RBM24: variants seen among roughly 807,000 people sequenced by gnomAD.
The protein encoded by RBM24 is RNA binding motif protein 24.
A neutral mutation model predicts 23.6 loss-of-function variants in RBM24; 5 were observed. That is an observed-to-expected ratio of 0.21 (90% CI 0.11 to 0.45). RBM24 has a LOEUF of 0.45. Among genes scored for constraint, RBM24 ranks in the 20% least tolerant of loss-of-function variants. RBM24 has a pLI of 0.99. For missense variants in RBM24, 252 were observed against 314.6 expected, an observed-to-expected ratio of 0.80 and a Z score of 1.51; for synonymous variants, 151 against 129.5, an observed-to-expected ratio of 1.17 and a Z score of -1.13.
chr6:17,284,597 G>A, intron 2 of RBM24, 60 bp from the exon 3 acceptor site: 1 of 1,279,978 alleles, frequency 7.8e-7, no homozygotes, highest in South Asian at 1.4e-5. Context: ...CATTTTACAT[G>A]TAGGAATAAT....
At chr6:17,288,294 A>G in intron 3 of RBM24, 8 of 985,426 alleles carry the variant, frequency 8.1e-6, no homozygotes, top group East Asian at 1.1e-4. Context: ...AGGGCTGTCC[A>G]TGTGGCTTCA....
intron 1 of RBM24, chr6:17,282,335 C>T (rs1018519240): frequency 1.9e-5 from 19 of 1,004,032 alleles, no homozygotes; most frequent in Non-Finnish European, 2.1e-5. Flanking sequence ...GCAGGGAGCC[C>T]CAGAGTAGGA....
intron 3 of RBM24, among the ~76,000 whole-genome samples, chr6:17,285,649 T>G (rs75938179): frequency 0.011 from 1,636 of 152,336 alleles, 13 homozygotes; most frequent in Middle Eastern, 0.092. Context: ...TCATCAGATT[T>G]TATTAACACA....
rs1009394704 is a variant in RBM24, at chr6:17,293,209, G to A, written c.*1090G>A. 5 of 152,586 alleles carry A rather than the reference G, an allele frequency of 3.3e-5. No individual in the cohort carries two copies. Among genetic ancestry groups the A allele is most frequent in the African/African-American group, 9.7e-5 (4 of 41,436 alleles). 9.5% of individuals were successfully genotyped at this position (152,586 alleles called of 1,614,324 possible). ...ATGTGGTTTATACTGTGCCTTAATA[G>A]TAATGCTATTTAAGATATTTATTTT... On this transcript the variant is annotated 3_prime_UTR_variant, in exon 4 of 4. Transcript: ENST00000379052.
chr6:17,291,988 G>A lies in RBM24; in HGVS notation c.580G>A (p.Gly194Ser), dbSNP rs750164964. The change falls in exon 4 of 4, where the codon GGC (glycine) becomes AGC (serine). Residue 194 changes from glycine (G) to serine (S), a missense_variant. Coordinates refer to ENST00000379052, the MANE Select transcript of RBM24 (RefSeq NM_001143942.2). Reference protein sequence around the residue: ...AAGYVTAGGYGYAVQQPITAA... With the variant: ...AAGYVTAGGYSYAVQQPITAA... ...AGGATATGTTACTGCTGGGGGCTAT[G>A]GCTACGCAGTCCAGCAGCCAATCAC... 11 of 1,609,088 alleles carry A rather than the reference G, an allele frequency of 6.8e-6. No homozygotes were observed. In the African/African-American group the frequency reaches 1.2e-4, roughly 18 times the overall value.
intron 2 of RBM24, among the ~76,000 whole-genome samples, chr6:17,283,318 T>C (rs1760088999): frequency 6.6e-6 from 1 of 152,184 alleles, no homozygotes; most frequent in South Asian, 2.1e-4. Context: ...GTGGTGTCTC[T>C]CCTTTTAGCA....
Position 17,291,792 on chromosome 6 carries a change from G to A in RBM24, c.384G>A (p.Val128=). Reference sequence around the variant, plus strand: ...ACTATGTCTATCCGCAGGCTTTTGTGCAGCCGGGAGTGGTCATTCCACACG... The same window carrying A: ...ACTATGTCTATCCGCAGGCTTTTGTACAGCCGGGAGTGGTCATTCCACACG... ...PAHYVYPQAF[V]QPGVVIPHVQ... Residue 128 remains valine (V), a synonymous_variant, in exon 4 of 4, where the codon GTG becomes GTA. Transcript: ENST00000379052. 3.1e-6 allele frequency: 5 copies of A among 1,613,732 alleles called. No individual in the cohort carries two copies. Among genetic ancestry groups the A allele is most frequent in the Non-Finnish European group, 2.5e-6 (3 of 1,179,824 alleles).
At chr6:17,282,238 T>C in intron 1 of RBM24, 1 of 1,290,666 alleles carries the variant, frequency 7.7e-7, no homozygotes, top group Non-Finnish European at 1.0e-6. Context: ...TTTTAAATCA[T>C]GATCCTAGGG....
At position 17,281,818 on chromosome 6, in the gene RBM24, G is replaced by A; in HGVS notation, c.168+69G>A. 1 of 1,522,932 alleles carries A rather than the reference G, an allele frequency of 6.6e-7. No homozygotes were observed. The highest frequency in any genetic ancestry group is 2.5e-5 in the East Asian group (1 of 39,742). The allele number at this position is 1,522,932 out of a possible 1,614,324, so 94.3% of individuals were successfully genotyped here. Reference sequence around the variant, plus strand: ...GGCTGACCCCGGGGATCGGGAGCTTGGAGTGAGGGGCTCGGCGTGACCCGT... The same window carrying A: ...GGCTGACCCCGGGGATCGGGAGCTTAGAGTGAGGGGCTCGGCGTGACCCGT... On this transcript the variant is annotated intron_variant, in intron 1 of 3. Transcript: ENST00000379052. The surrounding 1 kb of genome is among the most constrained non-coding windows in gnomAD (Gnocchi z 7.1).
In RBM24 at chr6:17,289,883, G is replaced by A. The variant is rs1002769603; in HGVS notation, c.348-1873G>A. 8.9e-6 allele frequency: 11 copies of A among 1,237,072 alleles called. No individual in the cohort carries two copies. In the Admixed American group the frequency reaches 1.5e-4, roughly 17 times the overall value. The allele number at this position is 1,237,072 out of a possible 1,614,324, so 76.6% of individuals were successfully genotyped here. ...CGTTGTAGACACGGCAGCCTCCAGG[G>A]ACAGTGTTTCATAAAGCCACACCTG... On this transcript the variant is annotated intron_variant, in intron 3 of 3. Coordinates refer to ENST00000379052, the MANE Select transcript of RBM24 (RefSeq NM_001143942.2).
At chr6:17,283,274 T>G (rs1581429050) in intron 2 of RBM24, among the ~76,000 whole-genome samples, 1 of 152,172 alleles carries the variant, frequency 6.6e-6, no homozygotes, top group East Asian at 1.9e-4. Context: ...ATAGGCCAAA[T>G]TTGTCGACTT....
chr6:17,291,480 C>G (rs1760355024), intron 3 of RBM24, among the ~76,000 whole-genome samples: 2 of 152,128 alleles, frequency 1.3e-5, no homozygotes, highest in South Asian at 4.1e-4. Flanking sequence ...GATTTATTTT[C>G]CAAACTCTTG....
intron 3 of RBM24, 55 bp downstream of exon 3, chr6:17,284,766 G>C: frequency 7.5e-7 from 1 of 1,326,212 alleles, no homozygotes; most frequent in Non-Finnish European, 1.1e-6. Context: ...ATTTGTTAAC[G>C]TGCCTCTTTG....
chr6:17,282,939 T>A lies in RBM24; in HGVS notation c.292+11T>A, dbSNP rs935429653. 6.2e-7 allele frequency: 1 copy of A among 1,600,634 alleles called. No homozygotes were observed. Among genetic ancestry groups the A allele is most frequent in the African/African-American group, 1.3e-5 (1 of 74,602 alleles). On this transcript the variant is annotated intron_variant, in intron 2 of 3. Transcript: ENST00000379052. Reference sequence around the variant, plus strand: ...GGATCATGCAACCAGGTGAGAAATGTCTGTCTCCCCTACCCCCCTCTCCAA... The same window carrying A: ...GGATCATGCAACCAGGTGAGAAATGACTGTCTCCCCTACCCCCCTCTCCAA...
Position 17,289,994 on chromosome 6 carries a change from A to G in RBM24, c.348-1762A>G, listed in dbSNP as rs956675609. The G allele has an allele frequency of 7.8e-6, 10 of 1,289,284 alleles. No individual in the cohort carries two copies. In the African/African-American group the frequency reaches 1.5e-4, roughly 20 times the overall value. The allele number at this position is 1,289,284 out of a possible 1,614,324, so 79.9% of individuals were successfully genotyped here. A position where few individuals can be genotyped will look rare whatever the true frequency, so the allele number is the denominator to read the frequency against. On this transcript the variant is annotated intron_variant, in intron 3 of 3. Transcript: ENST00000379052. Reference sequence around the variant, plus strand: ...GCGCCTGGTTTCTGACAAGCAGTTAAGAACATCTCTGAGTGTCCTCAGAAA... The same window carrying G: ...GCGCCTGGTTTCTGACAAGCAGTTAGGAACATCTCTGAGTGTCCTCAGAAA...
chr6:17,286,410 G>A (rs895072206), intron 3 of RBM24, among the ~76,000 whole-genome samples: 9 of 151,586 alleles, frequency 5.9e-5, no homozygotes, highest in African/African-American at 2.2e-4. Flanking sequence ...AAGGTGTGAT[G>A]TGAGCTTAGT....
intron 3 of RBM24, chr6:17,288,243 A>G (rs143776811): frequency 1.0e-6 from 1 of 985,396 alleles, no homozygotes; most frequent in African/African-American, 1.7e-5. Context: ...ACAAAACTCT[A>G]TTCTCTCATA....
At chr6:17,283,118 G>A (rs1018692724) in intron 2 of RBM24, 190 bp downstream of exon 2, 3 of 544,366 alleles carry the variant, frequency 5.5e-6, no homozygotes, top group Non-Finnish European at 9.9e-6. Flanking sequence ...GGCTTGAAAT[G>A]TACCTGTGTG....
At chr6:17,287,726 G>C (rs372969137) in intron 3 of RBM24, among the ~76,000 whole-genome samples, 2 of 151,896 alleles carry the variant, frequency 1.3e-5, no homozygotes, top group African/African-American at 2.4e-5. Flanking sequence ...GGAGAATGGC[G>C]TGAACCCAGA....
Sources: allele counts gnomAD v4.1 joint callset (sites outside exome capture counted in the v4.1 genomes callset), GRCh38; gene constraint gnomAD v4.1.1; non-coding constraint Gnocchi (gnomAD v3.1); transcripts MANE v1.5; gene names NCBI Gene and HGNC (gene_info 2026-07-23, HGNC 2026-07-21).